Variants in CALCR observed in about 807,000 individuals in gnomAD.
The protein encoded by CALCR is calcitonin receptor.
CALCR carries 47 observed loss-of-function variants against 59.5 expected under a neutral mutation model. The observed-to-expected ratio is 0.79, with a 90% CI of 0.63 to 1.01. The LOEUF (loss-of-function observed/expected upper bound fraction) is 1.01. CALCR is among the 50% of genes least tolerant of loss of function. CALCR has a pLI of 0.00. For missense variants in CALCR, 566 were observed against 597.1 expected, an observed-to-expected ratio of 0.95 and a Z score of 0.54; for synonymous variants, 213 against 211.3, an observed-to-expected ratio of 1.01 and a Z score of -0.07.
intron 2 of CALCR, among the ~76,000 whole-genome samples, chr7:93,522,559 A>G (rs544257615): frequency 3.7e-4 from 56 of 152,334 alleles, no homozygotes; most frequent in African/African-American, 1.3e-3. Context: ...ATAAAAATGA[A>G]GTATTTCAGA....
rs747586297 is a variant in CALCR, at chr7:93,487,008, C to T, written c.-26-1G>A. On this transcript the variant is annotated splice_acceptor_variant, in intron 2 of 13. Coordinates refer to ENST00000426151, the MANE Select transcript of CALCR (RefSeq NM_001742.4). LOFTEE classifies it low-confidence loss of function (5UTR_SPLICE). Reference sequence around the variant, plus strand: ...TTTGATTTTTGAAGATCTCTTTGTCCTAGAAAAATATAAAAGCAACAAAGA... The same window carrying T: ...TTTGATTTTTGAAGATCTCTTTGTCTTAGAAAAATATAAAAGCAACAAAGA... 6.6e-6 allele frequency: 10 copies of T among 1,520,506 alleles called. No homozygotes were observed. Among genetic ancestry groups the T allele is most frequent in the Non-Finnish European group, 9.1e-6 (10 of 1,101,772 alleles). The allele number at this position is 1,520,506 out of a possible 1,614,324, so 94.2% of individuals were successfully genotyped here.
At chr7:93,554,483 C>A (rs189842915) in intron 2 of CALCR, among the ~76,000 whole-genome samples, 63 of 151,912 alleles carry the variant, frequency 4.1e-4, no homozygotes, top group African/African-American at 1.5e-3. Context: ...TAAAGTTAAC[C>A]CTGTCATAAT....
At chr7:93,482,842 A>G (rs773462796) in intron 3 of CALCR, 1 of 533,566 alleles carries the variant, frequency 1.9e-6, no homozygotes, top group South Asian at 1.4e-5. Flanking sequence ...TTGTTTCAAC[A>G]CTGAAGGAAT....
intron 6 of CALCR, among the ~76,000 whole-genome samples, chr7:93,469,332 T>C (rs1254838669): frequency 2.0e-5 from 3 of 151,346 alleles, no homozygotes; most frequent in Non-Finnish European, 4.4e-5. Flanking sequence ...TAATTCTTTT[T>C]TTTTTTCACG....
Position 93,426,469 on chromosome 7 carries a change from T to A in CALCR, c.1312A>T (p.Ile438Phe), listed in dbSNP as rs1799530270. 1.2e-6 allele frequency: 2 copies of A among 1,613,808 alleles called. No homozygotes were observed. Among genetic ancestry groups the A allele is most frequent in the South Asian group, 2.2e-5 (2 of 91,082 alleles). ...TCCTGATGGCAGATGTAAATTGGGA[T>A]GTCGCCAGCCTCCGCAGCAGCGGCT... is the stretch of plus-strand genomic sequence containing the variant. ...AAAAAAEAGD[I>F]PIYICHQELR... Residue 438 changes from isoleucine to phenylalanine, a missense_variant, in exon 14 of 14, where the codon ATC (isoleucine) becomes TTC (phenylalanine). Ile to Phe is a conservative substitution (Grantham distance 21). Coordinates refer to ENST00000426151, the MANE Select transcript of CALCR (RefSeq NM_001742.4).
chr7:93,495,935 G>A, intron 2 of CALCR: 1 of 1,527,960 alleles, frequency 6.5e-7, no homozygotes, highest in Non-Finnish European at 8.8e-7. Context: ...ATTGCATCCT[G>A]GGGTGGCAAA....
intron 13 of CALCR, among the ~76,000 whole-genome samples, chr7:93,430,762 C>A (rs1199733831): frequency 6.6e-6 from 1 of 152,152 alleles, no homozygotes; most frequent in Non-Finnish European, 1.5e-5. Flanking sequence ...AACCCCACCC[C>A]AGACCTACTG....
chr7:93,486,651 T>C (rs539246164), intron 3 of CALCR, among the ~76,000 whole-genome samples: 7 of 151,542 alleles, frequency 4.6e-5, no homozygotes, highest in African/African-American at 1.7e-4. Flanking sequence ...ACTATGTTAA[T>C]TTCTAAGATA....
chr7:93,557,048 C>T (rs1321374083), intron 2 of CALCR, among the ~76,000 whole-genome samples: 1 of 151,968 alleles, frequency 6.6e-6, no homozygotes, highest in Non-Finnish European at 1.5e-5. Flanking sequence ...TGGTTCATCT[C>T]CCATGACTTC....
At chr7:93,430,186 T>C (rs960674484) in intron 13 of CALCR, among the ~76,000 whole-genome samples, 1 of 152,076 alleles carries the variant, frequency 6.6e-6, no homozygotes, top group Admixed American at 6.6e-5. Context: ...CCAGCCGCCT[T>C]GGCCTCCCAA....
At chr7:93,459,823 G>T (rs1800280060) in intron 8 of CALCR, among the ~76,000 whole-genome samples, 1 of 152,096 alleles carries the variant, frequency 6.6e-6, no homozygotes, top group African/African-American at 2.4e-5. Context: ...ATCCAGAATG[G>T]TTCTCAGTAA....
intron 13 of CALCR, among the ~76,000 whole-genome samples, chr7:93,431,817 T>A (rs1051108241): frequency 6.6e-6 from 1 of 152,196 alleles, no homozygotes; most frequent in African/African-American, 2.4e-5. Context: ...GTACGGAGAA[T>A]AGAAAGACAC....
chr7:93,556,893 C>T lies in CALCR; in HGVS notation c.-27+17396G>A, dbSNP rs142743483. Reference sequence around the variant, plus strand: ...GCACCTAAAGATATGTACAGAAAGACTCGCATTTCTGTAGGGTAGAAAATA... The same window carrying T: ...GCACCTAAAGATATGTACAGAAAGATTCGCATTTCTGTAGGGTAGAAAATA... On this transcript the variant is annotated intron_variant, in intron 2 of 13. Transcript: ENST00000426151. Among the ~76,000 whole-genome samples the T allele has an allele frequency of 2.8e-3, 426 of 152,074 alleles. 1 individual carries two copies. Among genetic ancestry groups the T allele is most frequent in the African/African-American group, 9.8e-3 (408 of 41,532 alleles).
At chr7:93,557,556 A>G (rs984717156) in intron 2 of CALCR, among the ~76,000 whole-genome samples, 1 of 151,830 alleles carries the variant, frequency 6.6e-6, no homozygotes, top group South Asian at 2.1e-4. Context: ...GTTAGTTGAC[A>G]TATTATTATT....
chr7:93,471,023 G>A (rs1426869169), intron 6 of CALCR, among the ~76,000 whole-genome samples: 1 of 149,588 alleles, frequency 6.7e-6, no homozygotes, highest in East Asian at 2.0e-4. Flanking sequence ...AGAATATGCG[G>A]TGTTTGGTTT....
chr7:93,568,995 A>G (rs935425722), intron 2 of CALCR, among the ~76,000 whole-genome samples: 26 of 152,126 alleles, frequency 1.7e-4, no homozygotes, highest in Non-Finnish European at 2.9e-4. Context: ...CCTGGAATTC[A>G]TCATACAATT....
intron 2 of CALCR, among the ~76,000 whole-genome samples, chr7:93,531,916 T>C (rs1788850284): frequency 1.3e-5 from 2 of 152,036 alleles, no homozygotes; most frequent in Admixed American, 1.3e-4. Context: ...ATCTGAAAAA[T>C]ACTTAGTACA....
intron 2 of CALCR, among the ~76,000 whole-genome samples, chr7:93,510,305 T>C (rs150681481): frequency 6.6e-6 from 1 of 152,276 alleles, no homozygotes; most frequent in African/African-American, 2.4e-5. Flanking sequence ...ACCCGTCCAA[T>C]GTCCATGGGG....
chr7:93,469,440 G>A (rs1272280623), intron 6 of CALCR, among the ~76,000 whole-genome samples: 2 of 150,862 alleles, frequency 1.3e-5, no homozygotes, highest in Non-Finnish European at 3.0e-5. Context: ...TTTTTTCCTA[G>A]TAATCACAGT....
Sources: allele counts gnomAD v4.1 joint callset (sites outside exome capture counted in the v4.1 genomes callset), GRCh38; gene constraint gnomAD v4.1.1; transcripts MANE v1.5; gene names NCBI Gene and HGNC (gene_info 2026-07-23, HGNC 2026-07-21).